CCNC: variants seen among roughly 807,000 people sequenced by gnomAD.
CCNC encodes cyclin-C.
A neutral mutation model predicts 50.0 loss-of-function variants in CCNC; 19 were observed. The observed-to-expected ratio is 0.38, with a 90% CI of 0.27 to 0.56. The LOEUF (loss-of-function observed/expected upper bound fraction) is 0.56. CCNC is among the 20% of genes least tolerant of loss of function. The pLI, the probability that CCNC is intolerant of heterozygous loss-of-function variation, is 0.72. For synonymous variants in CCNC, 93 were observed against 103.7 expected (o/e 0.90, Z 0.63); for missense variants, 200 against 327.1 (o/e 0.61, Z 3.00).
At position 99,545,189 on chromosome 6, in the gene CCNC, C is replaced by G; in HGVS notation, c.720G>C (p.Gln240His). ...IIRVILKLYE[Q>H]WKNFDERKEM... is the part of the protein sequence containing the mutation. The stretch of plus-strand genomic sequence containing the variant: ...CTTTTCTCTCATCGAAATTCTTCCA[C>G]TGCTCATATAGTTTTAAAATAACCC... The change falls in exon 11 of 12, where the codon CAG becomes CAC. Residue 240 changes from glutamine to histidine, a missense_variant. Transcript: ENST00000520429. The G allele has an allele frequency of 6.2e-7, 1 of 1,608,594 alleles. No homozygotes were observed.
chr6:99,557,051 C>G (rs1802548273), intron 5 of CCNC, among the ~76,000 whole-genome samples: 2 of 112,438 alleles, frequency 1.8e-5, no homozygotes, highest in South Asian at 5.5e-4. Context: ...TTCAGTTAAT[C>G]TAACTCATGA....
At chr6:99,544,318 A>G (rs1431999319) in intron 11 of CCNC, 4 of 1,523,146 alleles carry the variant, frequency 2.6e-6, no homozygotes, top group African/African-American at 1.4e-5. Context: ...TGACTGCCTT[A>G]AACAGCTCCT....
At chr6:99,562,437 A>T (rs1226325443) in intron 2 of CCNC, 1 of 153,636 alleles carries the variant, frequency 6.5e-6, no homozygotes, top group African/African-American at 2.4e-5. Context: ...TATGTGACAA[A>T]CCTACTACAT....
intron 2 of CCNC, chr6:99,562,150 C>T (rs1240065637): frequency 6.6e-6 from 1 of 152,360 alleles, no homozygotes; most frequent in Admixed American, 6.6e-5. Context: ...ATCTCCACCT[C>T]CCAGGTTCAA....
Position 99,542,447 on chromosome 6 carries a change from A to C in CCNC, c.*1108T>G, listed in dbSNP as rs1801918988. On this transcript the variant is annotated 3_prime_UTR_variant, in exon 12 of 12. Transcript: ENST00000520429. ...TATACTAGGAAGTCAACATTTAATA[A>C]GCCATCATCCACAATTGATTAAAAA... is the stretch of plus-strand genomic sequence containing the variant. 6.6e-6 allele frequency: 1 copy of C among 152,456 alleles called. No individual in the cohort carries two copies. The highest frequency in any genetic ancestry group is 1.5e-5 in the Non-Finnish European group (1 of 68,020). The allele number at this position is 152,456 out of a possible 1,614,324, so 9.4% of individuals were successfully genotyped here. A position where few individuals can be genotyped will look rare whatever the true frequency, so the allele number is the denominator to read the frequency against.
At chr6:99,552,919 G>T (rs1185362411) in intron 5 of CCNC, among the ~76,000 whole-genome samples, 1 of 152,068 alleles carries the variant, frequency 6.6e-6, no homozygotes, top group Non-Finnish European at 1.5e-5. Flanking sequence ...GCATGCACCT[G>T]TAGTCCCGGC....
chr6:99,543,619 T>C lies in CCNC; in HGVS notation c.798-10A>G. ...ACCCTGCTCTCCTTCACTGTTCAAA[T>C]GGGGAAGAAAGAGATTTTATACCAA... On this transcript the variant is annotated splice_polypyrimidine_tract_variant and intron_variant, in intron 11 of 11. Coordinates refer to ENST00000520429, the MANE Select transcript of CCNC (RefSeq NM_005190.4). The C allele has an allele frequency of 6.2e-7, 1 of 1,612,922 alleles. No homozygotes were observed. The highest frequency in any genetic ancestry group is 1.1e-5 in the South Asian group (1 of 91,044).
At chr6:99,558,194 A>C (rs1260371759) in intron 5 of CCNC, 4 of 390,220 alleles carry the variant, frequency 1.0e-5, no homozygotes, top group Non-Finnish European at 1.8e-5. Flanking sequence ...AATAAAATAC[A>C]ATAAAATTCG....
rs1353652632 is a variant in CCNC at position 99,543,583 on chromosome 6, C to G, written c.824G>C (p.Ser275Thr). The G allele has an allele frequency of 1.2e-6, 2 of 1,613,228 alleles. No individual in the cohort carries two copies. The highest frequency in any genetic ancestry group is 2.2e-5 in the East Asian group (1 of 44,794). The change falls in exon 12 of 12, where the codon AGT becomes ACT. Residue 275 changes from serine (S) to threonine (T), a missense_variant. Ser to Thr is a moderately conservative substitution (Grantham distance 58). Coordinates refer to ENST00000520429, the MANE Select transcript of CCNC (RefSeq NM_005190.4). ...NSEGEQGPNGSQNSSYSQS is the reference protein window; with the variant it reads ...NSEGEQGPNGTQNSSYSQS Reference sequence around the variant, plus strand: ...AGATTGGCTGTAGCTAGAGTTCTGACTTCCATTTGGACCCTGCTCTCCTTC... The same window carrying G: ...AGATTGGCTGTAGCTAGAGTTCTGAGTTCCATTTGGACCCTGCTCTCCTTC...
intron 5 of CCNC, among the ~76,000 whole-genome samples, chr6:99,555,028 G>A (rs1000428503): frequency 3.3e-5 from 5 of 152,226 alleles, no homozygotes; most frequent in East Asian, 1.9e-4. Context: ...CTCCAACAAT[G>A]AGAAACCCGG....
upstream of CCNC, chr6:99,568,750 G>T: frequency 7.2e-7 from 1 of 1,386,000 alleles, no homozygotes; most frequent in Non-Finnish European, 9.4e-7. Flanking sequence ...CAAAAGTTCC[G>T]GCCCGCGGTA....
chr6:99,568,338 C>T (rs1243537718), intron 1 of CCNC, 158 bp downstream of exon 1: 1 of 675,262 alleles, frequency 1.5e-6, no homozygotes, highest in East Asian at 2.9e-5. Flanking sequence ...AGGGGAGTCG[C>T]CTCAGAAAAG....
chr6:99,551,798 A>C, intron 6 of CCNC, 42 bp downstream of exon 6: 1 of 1,238,086 alleles, frequency 8.1e-7, no homozygotes, highest in Non-Finnish European at 1.1e-6. Flanking sequence ...GCTAGTTTAT[A>C]TATAGCTTTG....
At chr6:99,553,619 T>A (rs1802394503) in intron 5 of CCNC, among the ~76,000 whole-genome samples, 1 of 152,190 alleles carries the variant, frequency 6.6e-6, no homozygotes, top group South Asian at 2.1e-4. Context: ...AAATCTTCCA[T>A]CACATACTAA....
At chr6:99,561,093 CTCTG>C (rs1802761185) in intron 4 of CCNC, among the ~76,000 whole-genome samples, 1 of 152,198 alleles carries the variant, frequency 6.6e-6, no homozygotes. Flanking sequence ...AGTTCTTCAT[CTCTG>C]TCTCAGTTTC....
intron 4 of CCNC, among the ~76,000 whole-genome samples, chr6:99,560,568 T>C (rs577840695): frequency 4.9e-4 from 75 of 152,278 alleles, no homozygotes; most frequent in African/African-American, 1.3e-3. Flanking sequence ...TATCCAAAAA[T>C]AGAAACATAA....
intron 6 of CCNC, 29 bp from the exon 7 acceptor site, chr6:99,551,057 T>C (rs754120370): frequency 1.9e-6 from 2 of 1,047,802 alleles, no homozygotes; most frequent in Non-Finnish European, 2.6e-6. Context: ...ATCAATGAAA[T>C]GTCAATATGA....
chr6:99,558,307 A>G (rs932819067), intron 5 of CCNC, 190 bp downstream of exon 5: 4 of 720,314 alleles, frequency 5.6e-6, no homozygotes, highest in Non-Finnish European at 8.1e-6. Flanking sequence ...TAATATCTTT[A>G]TATCTTTTTA....
intron 4 of CCNC, among the ~76,000 whole-genome samples, chr6:99,560,883 T>G (rs1253537326): frequency 6.6e-6 from 1 of 152,200 alleles, no homozygotes; most frequent in Admixed American, 6.5e-5. Context: ...CAGGAGAAGA[T>G]AAGCATATGG....
Sources: gnomAD v4.1 joint callset for allele counts (sites outside exome capture counted in the v4.1 genomes callset) on GRCh38, gnomAD v4.1.1 for gene constraint, MANE v1.5 for transcripts, NCBI Gene and HGNC (gene_info 2026-07-23, HGNC 2026-07-21) for gene names.